Variants in ADSL observed in about 807,000 individuals in gnomAD.
ADSL encodes adenylosuccinate lyase, also known as adenylosuccinase.
A neutral mutation model predicts 62.1 loss-of-function variants in ADSL; 44 were observed. The observed-to-expected ratio is 0.71, with a 90% confidence interval of 0.56 to 0.91. ADSL has a LOEUF of 0.91. ADSL is among the 40% of genes least tolerant of loss of function. The pLI is 0.00. For synonymous variants in ADSL, 198 were observed against 220.5 expected (o/e 0.90, Z 0.90); for missense variants, 531 against 627.4 (o/e 0.85, Z 1.64).
chr22:40,359,923 G>A (rs890835731), intron 6 of ADSL, among the ~76,000 whole-genome samples: 1 of 152,022 alleles, frequency 6.6e-6, no homozygotes. Flanking sequence ...TACCATTTTT[G>A]TTTCTTTACT....
At position 40,364,960 on chromosome 22, in the gene ADSL, A is replaced by T. The variant is rs1057522571; in HGVS notation, c.1272A>T (p.Ile424=). The change falls in exon 12 of 13, where the codon ATA becomes ATT. Residue 424 remains isoleucine (I), a synonymous_variant. Transcript: ENST00000623063. ...AGGAAGGGGGTGACAATGACCTCAT[A>T]GAGCGTATCCAGGTTGATGCCTACT... The part of the protein sequence containing the change: ...VKQEGGDNDL[I]ERIQVDAYFS... The T allele has an allele frequency of 1.5e-5, 24 of 1,614,160 alleles. No individual in the cohort carries two copies. The highest frequency in any genetic ancestry group is 2.0e-5 in the Non-Finnish European group (24 of 1,179,992).
intron 2 of ADSL, among the ~76,000 whole-genome samples, chr22:40,380,003 G>A (rs1358427025): frequency 6.6e-6 from 1 of 152,102 alleles, no homozygotes; most frequent in Non-Finnish European, 1.5e-5. Context: ...GAGCCATCGT[G>A]CTCGGCCTGG....
chr22:40,348,835 C>A (rs2044240910), intron 1 of ADSL: 2 of 368,440 alleles, frequency 5.4e-6, no homozygotes, highest in Non-Finnish European at 9.6e-6. Flanking sequence ...TCAGTTTCAC[C>A]ACTGTTTGTA....
intron 2 of ADSL, among the ~76,000 whole-genome samples, chr22:40,380,500 G>A (rs1023215853): frequency 1.3e-5 from 2 of 151,686 alleles, no homozygotes; most frequent in Admixed American, 6.6e-5. Context: ...CCGAGTAGTT[G>A]GGATTAGAGG....
intron 1 of ADSL, 68 bp downstream of exon 1, chr22:40,346,779 G>A (rs1420637326): frequency 6.6e-6 from 10 of 1,510,732 alleles, no homozygotes; most frequent in Non-Finnish European, 8.0e-6. Flanking sequence ...GCCGGGCTCT[G>A]TTCCGGGCTG....
chr22:40,386,026 T>G (rs771040068), intron 2 of ADSL, among the ~76,000 whole-genome samples: 45 of 88,272 alleles, frequency 5.1e-4, no homozygotes, highest in South Asian at 1.5e-3. Context: ...TAATTTTTTG[T>G]TTTTTTTTTT....
rs534486673 is a variant in ADSL, at chr22:40,385,882, A to G, written c.90-4348A>G. On this transcript the variant is annotated intron_variant, in intron 2 of 2. Coordinates refer to the ADSL transcript ENST00000498234. ...TTTTTTTTCTTGAAGACCGGGTCTC[A>G]CTCTGGTTGCCCAGGCTGGAGTGCA... Among the ~76,000 whole-genome samples the G allele has an allele frequency of 5.3e-5, 8 of 151,968 alleles. No individual in the cohort carries two copies. In the South Asian group the frequency reaches 1.2e-3, roughly 24 times the overall value.
chr22:40,353,965 C>G, intron 3 of ADSL: 1 of 503,124 alleles, frequency 2.0e-6, no homozygotes, highest in East Asian at 3.7e-5. Flanking sequence ...CAACCAAAGG[C>G]ATGTTGCTGG....
At chr22:40,349,705 A>C in intron 1 of ADSL, 127 bp from the exon 2 acceptor site, 2 of 897,058 alleles carry the variant, frequency 2.2e-6, no homozygotes, top group Non-Finnish European at 1.8e-6. Flanking sequence ...GTTGCCTCAA[A>C]TTTTAATTTA....
At chr22:40,357,540 A>T (rs549255730) in intron 4 of ADSL, among the ~76,000 whole-genome samples, 1 of 152,150 alleles carries the variant, frequency 6.6e-6, no homozygotes, top group Non-Finnish European at 1.5e-5. Flanking sequence ...GGCATGAGCC[A>T]TGGCACCCTA....
At chr22:40,355,547 AACT>A (rs2044521814) in intron 4 of ADSL, among the ~76,000 whole-genome samples, 2 of 152,204 alleles carry the variant, frequency 1.3e-5, no homozygotes, top group African/African-American at 4.8e-5. Flanking sequence ...GTTGAATCAG[AACT>A]TCGGTTCTTT....
Position 40,369,221 on chromosome 22 carries a change from ACCTGGTTTCTT to A in ADSL, c.*2705_*2715del, listed in dbSNP as rs1832413115. ...ATGATCTCCAGTGATTGGCGATTTG[ACCTGGTTTCTT>A]CCTGGACTATTTGAATGGGTGGATT... On this transcript the variant is annotated 3_prime_UTR_variant, in exon 13 of 13. Transcript: ENST00000623063. 1.3e-5 allele frequency: 2 copies of A among 152,042 alleles called. No individual in the cohort carries two copies. The highest frequency in any genetic ancestry group is 4.8e-5 in the African/African-American group (2 of 41,378). The allele number at this position is 152,042 out of a possible 1,614,324, so 9.4% of individuals were successfully genotyped here.
chr22:40,361,030 A>C (rs2044763358), intron 7 of ADSL: 1 of 572,238 alleles, frequency 1.7e-6, no homozygotes, highest in African/African-American at 1.9e-5. Flanking sequence ...TCTTTCCATG[A>C]TGCCTTAAGC....
Position 40,365,025 on chromosome 22 carries a change from C to A in ADSL, c.1337C>A (p.Pro446His), listed in dbSNP as rs755964863. The stretch of plus-strand genomic sequence containing the variant: ...TCCCAGTTGGATCATTTACTGGATC[C>A]TTCTTCTTTCACTGGTCGTGCCTCC... Reference protein sequence around the residue: ...IHSQLDHLLDPSSFTGRASQQ... With the variant: ...IHSQLDHLLDHSSFTGRASQQ... Residue 446 changes from proline (P) to histidine (H), a missense_variant, in exon 12 of 13, where the codon CCT becomes CAT. Transcript: ENST00000623063. The A allele has an allele frequency of 1.9e-5, 31 of 1,613,862 alleles. No individual in the cohort carries two copies. In the South Asian group the frequency reaches 2.5e-4, roughly 13 times the overall value.
chr22:40,379,121 A>G (rs2146782092), intron 2 of ADSL, among the ~76,000 whole-genome samples: 1 of 152,286 alleles, frequency 6.6e-6, no homozygotes, highest in Admixed American at 6.5e-5. Context: ...GTGGTCTCTT[A>G]TTAATTTTTT....
chr22:40,375,689 A>G (rs548520468), intron 2 of ADSL, among the ~76,000 whole-genome samples: 1 of 151,950 alleles, frequency 6.6e-6, no homozygotes, highest in African/African-American at 2.4e-5. Flanking sequence ...CACTACAACA[A>G]AATTATGTGA....
chr22:40,377,903 A>T (rs1054909491), intron 2 of ADSL, among the ~76,000 whole-genome samples: 4 of 152,048 alleles, frequency 2.6e-5, no homozygotes, highest in African/African-American at 9.7e-5. Flanking sequence ...AGAGGAGAGA[A>T]ATCTTGGAGA....
At chr22:40,381,901 G>A (rs1430759961) in intron 2 of ADSL, among the ~76,000 whole-genome samples, 2 of 152,200 alleles carry the variant, frequency 1.3e-5, no homozygotes, top group African/African-American at 4.8e-5. Flanking sequence ...AGAAGTTGCA[G>A]TGAGCCAAGA....
intron 4 of ADSL, among the ~76,000 whole-genome samples, chr22:40,358,662 C>T (rs1319374606): frequency 1.3e-5 from 2 of 152,188 alleles, no homozygotes; most frequent in African/African-American, 4.8e-5. Flanking sequence ...TACTCCTTGA[C>T]TATTTGTAAA....
Sources: allele counts gnomAD v4.1 joint callset (sites outside exome capture counted in the v4.1 genomes callset), GRCh38; gene constraint gnomAD v4.1.1; transcripts MANE v1.5; gene names NCBI Gene and HGNC (gene_info 2026-07-23, HGNC 2026-07-21).